The following ZCCHC14 variants were observed in gnomAD, a reference collection of about 807,000 sequenced individuals.
The protein encoded by ZCCHC14 is zinc finger CCHC domain-containing protein 14.
In ZCCHC14, 16 loss-of-function variants were observed where a neutral mutation model predicts 85.0. The ratio of observed to expected loss-of-function variants is 0.19; its 90% CI spans 0.13 to 0.29. The LOEUF (loss-of-function observed/expected upper bound fraction) is 0.29, where lower values mean the gene tolerates loss of function less well. Ranked by LOEUF, ZCCHC14 falls within the 10% of genes least tolerant of loss-of-function variation. The pLI, the probability that ZCCHC14 is intolerant of heterozygous loss-of-function variation, is 1.00. For missense variants in ZCCHC14, 1,303 were observed against 1,443.5 expected, an observed-to-expected ratio of 0.90 and a Z score of 1.58; for synonymous variants, 775 against 630.7, an observed-to-expected ratio of 1.23 and a Z score of -3.43.
chr16:87,444,629 T>C (rs1483007308), intron 2 of ZCCHC14, among the ~76,000 whole-genome samples: 2 of 152,222 alleles, frequency 1.3e-5, no homozygotes, highest in African/African-American at 2.4e-5. Flanking sequence ...AGCATGTTCC[T>C]GGCAAAGATG....
chr16:87,436,177 A>G (rs1385293126), intron 2 of ZCCHC14, among the ~76,000 whole-genome samples: 2 of 152,346 alleles, frequency 1.3e-5, no homozygotes, highest in Admixed American at 6.5e-5. Flanking sequence ...GAAGTGACTC[A>G]GTCATATTTC....
intron 2 of ZCCHC14, among the ~76,000 whole-genome samples, chr16:87,457,672 A>G (rs1911042141): frequency 6.6e-6 from 1 of 152,238 alleles, no homozygotes; most frequent in African/African-American, 2.4e-5. Context: ...GCAGAGAAAA[A>G]CCAAAACAGA....
Position 87,491,587 on chromosome 16 carries a change from C to T in ZCCHC14, c.570+82G>A. 7.9e-7 allele frequency: 1 copy of T among 1,259,452 alleles called. No individual in the cohort carries two copies. The highest frequency in any genetic ancestry group is 2.0e-5 in the South Asian group (1 of 50,130). 78.0% of individuals were successfully genotyped at this position (1,259,452 alleles called of 1,614,324 possible). On this transcript the variant is annotated intron_variant, in intron 1 of 12. Transcript: ENST00000671377. This position sits in a 1 kb window ranked among gnomAD's most constrained non-coding sequence, Gnocchi z 5.9. The stretch of plus-strand genomic sequence containing the variant: ...AGGCTGGAGGCGTGGGTCGGGGGGT[C>T]GCGGTGCAGGCTGGAGGCTTGGAGT...
chr16:87,455,148 C>T (rs1416685085), intron 2 of ZCCHC14, among the ~76,000 whole-genome samples: 2 of 152,134 alleles, frequency 1.3e-5, no homozygotes, highest in Admixed American at 6.5e-5. Flanking sequence ...ATTAGGCAGG[C>T]GTGGTGGCAC....
chr16:87,436,424 G>A (rs1909924206), intron 2 of ZCCHC14, among the ~76,000 whole-genome samples: 1 of 152,258 alleles, frequency 6.6e-6, no homozygotes, highest in Non-Finnish European at 1.5e-5. Context: ...CTGAGAAGAG[G>A]AGCCTGGGAG....
chr16:87,463,011 G>T (rs1381682040), intron 1 of ZCCHC14, among the ~76,000 whole-genome samples: 4 of 151,376 alleles, frequency 2.6e-5, no homozygotes, highest in African/African-American at 9.7e-5. Context: ...GAGGTTGTAG[G>T]GAGCCGAGAT....
intron 1 of ZCCHC14, chr16:87,472,522 C>G (rs4843242): frequency 0.67 from 102,317 of 152,344 alleles, 38,800 homozygotes; most frequent in South Asian, 0.87. Context: ...CGGGCCGGGT[C>G]GGGGAGAAAC....
chr16:87,430,528 T>C lies in ZCCHC14; in HGVS notation c.768+2600A>G, dbSNP rs538289566. Among the ~76,000 whole-genome samples, 109 of 151,604 alleles carry C rather than the reference T, an allele frequency of 7.2e-4. 1 individual carries two copies. Among genetic ancestry groups the C allele is most frequent in the Admixed American group, 1.8e-3 (27 of 15,232 alleles). ...TCACTTTAACTTGATTTCTTTCTTT[T>C]TTTTTTTTTTTGAGATGCAGTCTCG... On this transcript the variant is annotated intron_variant, in intron 3 of 12. Transcript: ENST00000671377.
Position 87,473,204 on chromosome 16 carries a change from C to CTT in ZCCHC14, c.571-13075_571-13074dup, listed in dbSNP as rs879513379. ...CCTGAGGTTATCTTTATCTACAGGA[C>CTT]TTTTTTTTTTTTTTGGAGATGGAGT... On this transcript the variant is annotated intron_variant, in intron 1 of 12. Transcript: ENST00000671377. 2.0e-4 allele frequency: 29 copies of CTT among 142,264 alleles called. No homozygotes were observed. In the South Asian group the frequency reaches 3.8e-3, roughly 19 times the overall value. 8.8% of individuals were successfully genotyped at this position (142,264 alleles called of 1,614,324 possible). A position where few individuals can be genotyped will look rare whatever the true frequency, so the allele number is the denominator to read the frequency against.
rs1385981700 is a variant in ZCCHC14 at position 87,492,257 on chromosome 16, C to A, written c.-19G>T. ...CCACCATGCTGCCGCCCGCGCCGCGCCGCGACCCGGGGCCGGGGACCGCGC... is the reference window on the plus strand; with the variant it reads ...CCACCATGCTGCCGCCCGCGCCGCGACGCGACCCGGGGCCGGGGACCGCGC... On this transcript the variant is annotated 5_prime_UTR_variant, in exon 1 of 13. Coordinates refer to ENST00000671377, the MANE Select transcript of ZCCHC14 (RefSeq NM_015144.3). This position sits in a 1 kb window ranked among gnomAD's most constrained non-coding sequence, Gnocchi z 6.7. 1 of 979,934 alleles carries A rather than the reference C, an allele frequency of 1.0e-6. No homozygotes were observed. Among genetic ancestry groups the A allele is most frequent in the Non-Finnish European group, 1.2e-6 (1 of 828,050 alleles). 60.7% of individuals were successfully genotyped at this position (979,934 alleles called of 1,614,324 possible). A position where few individuals can be genotyped will look rare whatever the true frequency, so the allele number is the denominator to read the frequency against.
intron 3 of ZCCHC14, among the ~76,000 whole-genome samples, chr16:87,431,112 C>A (rs1240367294): frequency 6.6e-6 from 1 of 151,356 alleles, no homozygotes; most frequent in Non-Finnish European, 1.5e-5. Flanking sequence ...GCACTCCAGC[C>A]TGGTGACAGA....
intron 1 of ZCCHC14, among the ~76,000 whole-genome samples, chr16:87,461,490 G>A (rs1026076698): frequency 6.6e-6 from 1 of 152,238 alleles, no homozygotes; most frequent in Non-Finnish European, 1.5e-5. Context: ...TGCATTCACA[G>A]TATGGGAAAG....
intron 1 of ZCCHC14, among the ~76,000 whole-genome samples, chr16:87,460,347 C>T (rs1236553955): frequency 6.6e-6 from 1 of 152,124 alleles, no homozygotes; most frequent in Non-Finnish European, 1.5e-5. Context: ...GAGTCAAACA[C>T]GGGCGCTTAC....
chr16:87,414,696 A>G (rs980549044), intron 9 of ZCCHC14, among the ~76,000 whole-genome samples, 155 bp from the exon 10 acceptor site: 3 of 152,222 alleles, frequency 2.0e-5, no homozygotes, highest in African/African-American at 7.2e-5. Context: ...AATTCCCCCC[A>G]GAGCATTAAG....
intron 2 of ZCCHC14, among the ~76,000 whole-genome samples, chr16:87,436,647 T>C (rs1423334012): frequency 1.3e-5 from 2 of 152,234 alleles, no homozygotes. Context: ...GATGGGCTGA[T>C]GGGTGCAGCA....
Position 87,406,859 on chromosome 16 carries a change from T to G in ZCCHC14, c.*3421A>C, listed in dbSNP as rs1253075547. On this transcript the variant is annotated 3_prime_UTR_variant, in exon 13 of 13. Coordinates refer to ENST00000671377, the MANE Select transcript of ZCCHC14 (RefSeq NM_015144.3). ...TGCCACCTGACTCATTCTTTGGAAG[T>G]CACCTGCATGCTGGAAATGGCAGCC... The G allele has an allele frequency of 6.6e-6, 1 of 152,230 alleles. No homozygotes were observed. Among genetic ancestry groups the G allele is most frequent in the Admixed American group, 6.5e-5 (1 of 15,270 alleles). 9.4% of individuals were successfully genotyped at this position (152,230 alleles called of 1,614,324 possible).
chr16:87,438,036 G>A (rs1910012887), intron 2 of ZCCHC14, among the ~76,000 whole-genome samples: 1 of 152,262 alleles, frequency 6.6e-6, no homozygotes, highest in Non-Finnish European at 1.5e-5. Context: ...CATGTGGCAG[G>A]AATAACATGG....
chr16:87,422,514 C>G (rs964945282), intron 4 of ZCCHC14, among the ~76,000 whole-genome samples: 15 of 151,000 alleles, frequency 9.9e-5, no homozygotes, highest in African/African-American at 3.7e-4. Context: ...CACCTGAGGT[C>G]AGGAGTTCAA....
rs202085761 is a variant in ZCCHC14, at chr16:87,412,894, G to A, written c.1827C>T (p.Pro609=). The A allele has an allele frequency of 5.6e-6, 9 of 1,602,170 alleles. No individual in the cohort carries two copies. The South Asian group carries it at 9.0e-5, about 16-fold the overall frequency. The stretch of plus-strand genomic sequence containing the variant: ...TCTGCACAGGGAGAACCTGGGCCGT[G>A]GGTCTGGCGGAACTGGAAGTGAAGT... ...LNHFTSSSAR[P]TAQVLPVQNE... is the part of the protein sequence containing the mutation. The change falls in exon 12 of 13, where the codon CCC becomes CCT. Residue 609 remains proline, a synonymous_variant. Coordinates refer to ENST00000671377, the MANE Select transcript of ZCCHC14 (RefSeq NM_015144.3).
Sources: gnomAD v4.1 joint callset for allele counts (sites outside exome capture counted in the v4.1 genomes callset) on GRCh38, gnomAD v4.1.1 for gene constraint, Gnocchi (gnomAD v3.1) non-coding constraint, MANE v1.5 for transcripts, NCBI Gene and HGNC (gene_info 2026-07-23, HGNC 2026-07-21) for gene names.